Variants in ABHD3 observed in about 807,000 individuals in gnomAD.
ABHD3 encodes phospholipase ABHD3.
In ABHD3, 46 loss-of-function variants were observed where a neutral mutation model predicts 48.8. The ratio of observed to expected loss-of-function variants is 0.94; its 90% CI spans 0.74 to 1.20. The LOEUF (loss-of-function observed/expected upper bound fraction) is 1.20, where lower values mean the gene tolerates loss of function less well. ABHD3 is among the 50% of genes most tolerant of loss of function. The pLI is 0.00. For missense variants in ABHD3, 490 were observed against 497.8 expected, an observed-to-expected ratio of 0.98 and a Z score of 0.15; for synonymous variants, 192 against 183.7, an observed-to-expected ratio of 1.04 and a Z score of -0.36.
intron 4 of ABHD3, among the ~76,000 whole-genome samples, chr18:21,672,572 CTG>C (rs1434631886): frequency 1.3e-5 from 2 of 152,136 alleles, no homozygotes; most frequent in Non-Finnish European, 2.9e-5. Flanking sequence ...TAAATGAAGT[CTG>C]TGATTCCTGT....
chr18:21,675,289 G>C (rs1245722089), intron 4 of ABHD3, among the ~76,000 whole-genome samples: 3 of 110,886 alleles, frequency 2.7e-5, no homozygotes, highest in Non-Finnish European at 5.2e-5. Flanking sequence ...TTTTTTTTGA[G>C]ACTGAGTCTC....
rs1555683911 is a variant in ABHD3 at position 21,703,219 on chromosome 18, C to CCCCA, written c.326+364_326+365insTGGG. On this transcript the variant is annotated intron_variant, in intron 2 of 8. Coordinates refer to ENST00000289119, the MANE Select transcript of ABHD3 (RefSeq NM_138340.5). ...ATTAAGTGGCATCCTTCTCACCCCA[C>CCCCA]CCCCCCCCCCAGTATCTGCTACTTA... Among the ~76,000 whole-genome samples, 134 of 63,070 alleles carry CCCCA rather than the reference C, an allele frequency of 2.1e-3. 4 individuals carry two copies. The highest frequency in any genetic ancestry group is 3.3e-3 in the Non-Finnish European group (102 of 30,676). The allele number at this position is 63,070 out of a possible 152,430, so 41.4% of individuals were successfully genotyped here. A position where few individuals can be genotyped will look rare whatever the true frequency, so the allele number is the denominator to read the frequency against.
chr18:21,669,950 T>TGGC (rs2039719865), intron 4 of ABHD3, among the ~76,000 whole-genome samples: 1 of 150,022 alleles, frequency 6.7e-6, no homozygotes, highest in Non-Finnish European at 1.5e-5. Flanking sequence ...CGCGGGAGAG[T>TGGC]GGCAGAGTGA....
rs145347192 is a variant in ABHD3 at position 21,691,037 on chromosome 18, T to C, written c.510-7072A>G. 1.6e-4 allele frequency among the ~76,000 whole-genome samples: 24 copies of C among 148,158 alleles called. No homozygotes were observed. The East Asian group carries it at 4.7e-3, about 29-fold the overall frequency. ...AAAAAAAGAGCAAGATCTAACTACATGCTATCTACAATACACTTTAAATAC... is the reference window on the plus strand; with the variant it reads ...AAAAAAAGAGCAAGATCTAACTACACGCTATCTACAATACACTTTAAATAC... On this transcript the variant is annotated intron_variant, in intron 3 of 8. Transcript: ENST00000289119.
chr18:21,674,401 C>T (rs1018766980), intron 4 of ABHD3, among the ~76,000 whole-genome samples: 1 of 152,094 alleles, frequency 6.6e-6, no homozygotes, highest in South Asian at 2.1e-4. Context: ...GCCACCATGC[C>T]CATATCCAGC....
intron 3 of ABHD3, among the ~76,000 whole-genome samples, chr18:21,691,748 T>A (rs1428187838): frequency 6.6e-6 from 1 of 152,196 alleles, no homozygotes; most frequent in African/African-American, 2.4e-5. Flanking sequence ...ATTTCCCTGA[T>A]AAAACTGAGT....
chr18:21,698,081 T>A (rs779950353), intron 3 of ABHD3, among the ~76,000 whole-genome samples: 15 of 152,170 alleles, frequency 9.9e-5, no homozygotes, highest in Non-Finnish European at 1.9e-4. Context: ...GAAACTCTCA[T>A]CTATAGCAGA....
intron 4 of ABHD3, among the ~76,000 whole-genome samples, chr18:21,668,119 C>T (rs750996845): frequency 2.7e-5 from 4 of 146,432 alleles, no homozygotes; most frequent in Non-Finnish European, 4.5e-5. Context: ...GAGAATGGCA[C>T]GAACCCAGGA....
chr18:21,695,867 T>C (rs2040358249), intron 3 of ABHD3, among the ~76,000 whole-genome samples: 1 of 152,190 alleles, frequency 6.6e-6, no homozygotes, highest in African/African-American at 2.4e-5. Context: ...TCAACTAGAC[T>C]GTATGCTCTT....
chr18:21,652,770 A>G (rs1373261577), intron 8 of ABHD3, among the ~76,000 whole-genome samples: 1 of 150,902 alleles, frequency 6.6e-6, no homozygotes, highest in African/African-American at 2.4e-5. Flanking sequence ...CAAGACTCCA[A>G]CTAAAAAAAA....
At chr18:21,690,996 C>CAAAAA (rs34425997) in intron 3 of ABHD3, among the ~76,000 whole-genome samples, 4 of 63,222 alleles carry the variant, frequency 6.3e-5, no homozygotes, top group African/African-American at 1.2e-4. Context: ...GACTCTGTCT[C>CAAAAA]AAAAAAAAAA....
chr18:21,671,270 G>A (rs757064631), intron 4 of ABHD3, among the ~76,000 whole-genome samples: 64 of 152,204 alleles, frequency 4.2e-4, no homozygotes, highest in Middle Eastern at 3.4e-3. Flanking sequence ...CTATCGCACA[G>A]CCGCTTGCTG....
rs1555684345 is a variant in ABHD3, at chr18:21,704,716, C to CGAGCGGGCGCGAGCGGGCGA, written c.-52_-51insTCGCCCGCTCGCGCCCGCTC. 4.6e-6 allele frequency: 6 copies of CGAGCGGGCGCGAGCGGGCGA among 1,317,226 alleles called. No homozygotes were observed. In the African/African-American group the frequency reaches 6.5e-5, roughly 14 times the overall value. The allele number at this position is 1,317,226 out of a possible 1,614,324, so 81.6% of individuals were successfully genotyped here. A position where few individuals can be genotyped will look rare whatever the true frequency, so the allele number is the denominator to read the frequency against. ...CTGCGGCGGGAGGAGAGCCGGCTGG[C>CGAGCGGGCGCGAGCGGGCGA]GAGCGGGCGAGAGCGGGCGAGAGCG... On this transcript the variant is annotated 5_prime_UTR_variant, in exon 1 of 9. Transcript: ENST00000289119.
chr18:21,675,262 G>GTTTTTTTTTTTT (rs61119109), intron 4 of ABHD3, among the ~76,000 whole-genome samples: 1 of 85,474 alleles, frequency 1.2e-5, no homozygotes, highest in Non-Finnish European at 2.1e-5. Context: ...AATGAGGTGG[G>GTTTTTTTTTTTT]TTTTTTTTTT....
At chr18:21,664,660 T>A (rs929353760) in intron 4 of ABHD3, 1 of 158,048 alleles carries the variant, frequency 6.3e-6, no homozygotes, top group African/African-American at 2.4e-5. Context: ...AGACAGAGTC[T>A]TGCACTGTCA....
intron 4 of ABHD3, among the ~76,000 whole-genome samples, chr18:21,673,353 G>A (rs1286426775): frequency 1.3e-5 from 2 of 152,176 alleles, no homozygotes; most frequent in Non-Finnish European, 2.9e-5. Context: ...GAGTGCAGTG[G>A]CACGATCTCA....
intron 4 of ABHD3, among the ~76,000 whole-genome samples, chr18:21,668,906 C>A (rs772901602): frequency 1.3e-5 from 2 of 151,994 alleles, no homozygotes; most frequent in Non-Finnish European, 2.9e-5. Flanking sequence ...TGCTACACTG[C>A]AATAGACACT....
chr18:21,691,135 G>A (rs186646253), intron 3 of ABHD3, among the ~76,000 whole-genome samples: 3 of 151,720 alleles, frequency 2.0e-5, no homozygotes, highest in South Asian at 2.1e-4. Flanking sequence ...AAAAAAGAAC[G>A]AAGTGGCTAT....
intron 3 of ABHD3, among the ~76,000 whole-genome samples, chr18:21,692,984 C>T (rs913347930): frequency 6.6e-6 from 1 of 152,170 alleles, no homozygotes; most frequent in Admixed American, 6.5e-5. Context: ...AGGACAATGT[C>T]GATTCCAGCG....
Sources: allele counts gnomAD v4.1 joint callset (sites outside exome capture counted in the v4.1 genomes callset), GRCh38; gene constraint gnomAD v4.1.1; transcripts MANE v1.5; gene names NCBI Gene and HGNC (gene_info 2026-07-23, HGNC 2026-07-21).